IGSF3: variants seen among roughly 807,000 people sequenced by gnomAD.
The protein encoded by IGSF3 is immunoglobulin superfamily member 3, also known as glu-Trp-Ile EWI motif-containing protein 3.
In IGSF3, 23 loss-of-function variants were observed where a neutral mutation model predicts 114.4. The observed-to-expected ratio is 0.20, with a 90% CI of 0.14 to 0.28. IGSF3 has a LOEUF of 0.28. Among genes scored for constraint, IGSF3 ranks in the 10% least tolerant of loss-of-function variants. The pLI, the probability that IGSF3 is intolerant of heterozygous loss-of-function variation, is 1.00. For synonymous variants in IGSF3, 571 were observed against 645.2 expected, an observed-to-expected ratio of 0.88 and a Z score of 1.74; for missense variants, 1,172 against 1,591.5, an observed-to-expected ratio of 0.74 and a Z score of 4.48.
intron 7 of IGSF3, among the ~76,000 whole-genome samples, chr1:116,597,715 C>T (rs887298332): frequency 5.3e-5 from 8 of 152,202 alleles, no homozygotes; most frequent in African/African-American, 1.7e-4. Flanking sequence ...GGTCTCCCAA[C>T]CCTCCAGCTA....
chr1:116,611,206 C>A (rs572540529), intron 4 of IGSF3, among the ~76,000 whole-genome samples: 24 of 152,316 alleles, frequency 1.6e-4, no homozygotes, highest in Admixed American at 1.4e-3. Context: ...TTGTGTTACT[C>A]CCTGCTTAAA....
chr1:116,663,366 C>T (rs551965517), intron 2 of IGSF3, among the ~76,000 whole-genome samples: 1 of 152,208 alleles, frequency 6.6e-6, no homozygotes, highest in East Asian at 1.9e-4. Flanking sequence ...ACCACTGTAC[C>T]AGCCTCTATT....
rs545486862 is a variant in IGSF3 at position 116,655,510 on chromosome 1, A to C, written c.43+10774T>G. Among the ~76,000 whole-genome samples the C allele has an allele frequency of 2.6e-5, 4 of 152,336 alleles. No homozygotes were observed. Among genetic ancestry groups the C allele is most frequent in the South Asian group, 4.1e-4 (2 of 4,828 alleles). The stretch of plus-strand genomic sequence containing the variant: ...AAGTAACCCAACGCTGTGAAATGAT[A>C]ATCTTTTTACAGCAATAACTGTTGC... On this transcript the variant is annotated intron_variant, in intron 2 of 10. Coordinates refer to ENST00000369486, the MANE Select transcript of IGSF3 (RefSeq NM_001007237.3). This position sits in a 1 kb window ranked among gnomAD's most constrained non-coding sequence, Gnocchi z 4.3.
chr1:116,645,742 T>C (rs541512652), intron 2 of IGSF3, among the ~76,000 whole-genome samples: 1 of 152,196 alleles, frequency 6.6e-6, no homozygotes, highest in African/African-American at 2.4e-5. Context: ...TCCCCAAATA[T>C]CCACTTCTGT....
At position 116,618,909 on chromosome 1, in the gene IGSF3, A is replaced by T. The variant is rs907623553; in HGVS notation, c.44-2452T>A. 1.1e-4 allele frequency among the ~76,000 whole-genome samples: 17 copies of T among 152,220 alleles called. No individual in the cohort carries two copies. Among genetic ancestry groups the T allele is most frequent in the African/African-American group, 2.9e-4 (12 of 41,456 alleles). On this transcript the variant is annotated intron_variant, in intron 2 of 10. Coordinates refer to ENST00000369486, the MANE Select transcript of IGSF3 (RefSeq NM_001007237.3). The surrounding 1 kb of genome is among the most constrained non-coding windows in gnomAD (Gnocchi z 4.7). ...AAGTCAGGGTACACCAGCATCTTTA[A>T]GGACTGCTTCTCAATCCTGGACCTA...
chr1:116,603,829 C>T lies in IGSF3; in HGVS notation c.1419G>A (p.Ser473=), dbSNP rs778843432. The change falls in exon 6 of 11, where the codon TCG becomes TCA. Residue 473 remains serine (S), a synonymous_variant. Coordinates refer to ENST00000369486, the MANE Select transcript of IGSF3 (RefSeq NM_001007237.3). This position sits in a 1 kb window ranked among gnomAD's most constrained non-coding sequence, Gnocchi z 7.1. ...LDRDGTVQPG[S]SYWERSSFGG... ...CAAAGCTGCTGCGCTCCCAGTAGGA[C>T]GAGCCTGGCTGCACGGTGCCATCCC... 1.4e-5 allele frequency: 23 copies of T among 1,613,908 alleles called. No homozygotes were observed. The highest frequency in any genetic ancestry group is 6.7e-5 in the Admixed American group (4 of 60,000).
chr1:116,637,553 A>G (rs1647888759), intron 2 of IGSF3, among the ~76,000 whole-genome samples: 1 of 152,158 alleles, frequency 6.6e-6, no homozygotes, highest in African/African-American at 2.4e-5. Flanking sequence ...CAGCTTGTGG[A>G]CAAGGATGAA....
rs1444974570 is a variant in IGSF3, at chr1:116,584,301, C to A, written c.2848+344G>T. ...TTACTTTCCACTGAAAATCCACAAG[C>A]TGAATTTTCTCAACAACATGGTTAT... is the stretch of plus-strand genomic sequence containing the variant. On this transcript the variant is annotated intron_variant, in intron 9 of 10. Transcript: ENST00000369486. The surrounding 1 kb of genome is among the most constrained non-coding windows in gnomAD (Gnocchi z 5.8). 6.6e-6 allele frequency among the ~76,000 whole-genome samples: 1 copy of A among 152,136 alleles called. No homozygotes were observed. The highest frequency in any genetic ancestry group is 1.9e-4 in the East Asian group (1 of 5,206).
intron 9 of IGSF3, among the ~76,000 whole-genome samples, chr1:116,581,216 G>C (rs1400593139): frequency 6.6e-6 from 1 of 151,746 alleles, no homozygotes; most frequent in African/African-American, 2.4e-5. Flanking sequence ...TACGCAAAGT[G>C]TCCTCCCTGC....
rs529042773 is a variant in IGSF3, at chr1:116,648,492, C to A, written c.43+17792G>T. Among the ~76,000 whole-genome samples the A allele has an allele frequency of 1.3e-5, 2 of 152,288 alleles. No individual in the cohort carries two copies. The highest frequency in any genetic ancestry group is 1.3e-4 in the Admixed American group (2 of 15,302). Reference sequence around the variant, plus strand: ...CCGCCATCTGCACTTTTACCTGCTGCCTGACGAAAACCAGATGCCAAAGCC... The same window carrying A: ...CCGCCATCTGCACTTTTACCTGCTGACTGACGAAAACCAGATGCCAAAGCC... On this transcript the variant is annotated intron_variant, in intron 2 of 10. Coordinates refer to ENST00000369486, the MANE Select transcript of IGSF3 (RefSeq NM_001007237.3). This position sits in a 1 kb window ranked among gnomAD's most constrained non-coding sequence, Gnocchi z 4.7.
rs1648248115 is a variant in IGSF3 at position 116,644,470 on chromosome 1, T to C, written c.43+21814A>G. 6.6e-6 allele frequency among the ~76,000 whole-genome samples: 1 copy of C among 152,230 alleles called. No homozygotes were observed. The highest frequency in any genetic ancestry group is 1.5e-5 in the Non-Finnish European group (1 of 68,034). On this transcript the variant is annotated intron_variant, in intron 2 of 10. Transcript: ENST00000369486. The surrounding 1 kb of genome is among the most constrained non-coding windows in gnomAD (Gnocchi z 5.6). ...CCCCACTGCCCCAGTGGCTTCTGCA[T>C]GCAGGTTCATTTGGGACAGGACACC...
intron 2 of IGSF3, among the ~76,000 whole-genome samples, chr1:116,635,943 T>C (rs1314650790): frequency 6.6e-6 from 1 of 152,290 alleles, no homozygotes; most frequent in East Asian, 1.9e-4. Flanking sequence ...TTAAGTCAAA[T>C]CCTTAACTCA....
intron 9 of IGSF3, among the ~76,000 whole-genome samples, chr1:116,580,295 T>C (rs145188823): frequency 1.3e-5 from 2 of 152,178 alleles, no homozygotes; most frequent in Non-Finnish European, 2.9e-5. Flanking sequence ...ATGTGATTAT[T>C]TGGAAATAGC....
intron 2 of IGSF3, among the ~76,000 whole-genome samples, chr1:116,659,457 T>C (rs1649019163): frequency 6.6e-6 from 1 of 152,182 alleles, no homozygotes; most frequent in Non-Finnish European, 1.5e-5. Context: ...CAACCACTCA[T>C]TTCTTTGAAA....
At chr1:116,619,614 CCCA>C (rs1277876600) in intron 2 of IGSF3, among the ~76,000 whole-genome samples, 2 of 152,116 alleles carry the variant, frequency 1.3e-5, no homozygotes, top group Non-Finnish European at 2.9e-5. Flanking sequence ...CACATCCCAC[CCCA>C]CCATTCCCCT....
chr1:116,618,937 C>A lies in IGSF3; in HGVS notation c.44-2480G>T, dbSNP rs1174286813. ...ACTGCTTCTCAATCCTGGACCTACA[C>A]TGGAATCACCTGGGGAGCTTTAAAG... On this transcript the variant is annotated intron_variant, in intron 2 of 10. Coordinates refer to ENST00000369486, the MANE Select transcript of IGSF3 (RefSeq NM_001007237.3). This position sits in a 1 kb window ranked among gnomAD's most constrained non-coding sequence, Gnocchi z 4.7. 6.6e-6 allele frequency among the ~76,000 whole-genome samples: 1 copy of A among 152,186 alleles called. No homozygotes were observed. Among genetic ancestry groups the A allele is most frequent in the African/African-American group, 2.4e-5 (1 of 41,438 alleles).
chr1:116,580,058 T>A (rs927349323), intron 9 of IGSF3, among the ~76,000 whole-genome samples, 181 bp from the exon 10 acceptor site: 1 of 152,160 alleles, frequency 6.6e-6, no homozygotes. Context: ...TTGTTAAGAG[T>A]ACAGAACAAT....
In IGSF3 at chr1:116,577,441, C is replaced by T. The variant is rs201836232; in HGVS notation, c.3456G>A (p.Arg1152=). ...ITILLVRFKS[R]NSSKNSDGKN... ...TCCCATCAGAGTTCTTGCTGGAGTT[C>T]CGGCTCTTGAAACGCACCAGAAGGA... is the stretch of plus-strand genomic sequence containing the variant. The change falls in exon 11 of 11, where the codon CGG becomes CGA. Residue 1152 remains arginine (R), a synonymous_variant. Coordinates refer to ENST00000369486, the MANE Select transcript of IGSF3 (RefSeq NM_001007237.3). This position sits in a 1 kb window ranked among gnomAD's most constrained non-coding sequence, Gnocchi z 5.7. 14 of 1,614,030 alleles carry T rather than the reference C, an allele frequency of 8.7e-6. No individual in the cohort carries two copies. In the South Asian group the frequency reaches 1.4e-4, roughly 16 times the overall value.
In IGSF3 at chr1:116,657,796, G is replaced by A. The variant is rs1648927276; in HGVS notation, c.43+8488C>T. ...CCGCAGACTGCATTCTGAAGCATCA[G>A]ACAATGGGTCACATGCAAAAACAGA... On this transcript the variant is annotated intron_variant, in intron 2 of 10. Coordinates refer to ENST00000369486, the MANE Select transcript of IGSF3 (RefSeq NM_001007237.3). The surrounding 1 kb of genome is among the most constrained non-coding windows in gnomAD (Gnocchi z 4.2). 6.6e-6 allele frequency among the ~76,000 whole-genome samples: 1 copy of A among 152,150 alleles called. No individual in the cohort carries two copies. The highest frequency in any genetic ancestry group is 2.1e-4 in the South Asian group (1 of 4,824).
Sources: allele counts gnomAD v4.1 joint callset (sites outside exome capture counted in the v4.1 genomes callset), GRCh38; gene constraint gnomAD v4.1.1; non-coding constraint Gnocchi (gnomAD v3.1); transcripts MANE v1.5; gene names NCBI Gene and HGNC (gene_info 2026-07-23, HGNC 2026-07-21).